The following CACNA1C variants were observed in gnomAD, a reference collection of about 807,000 sequenced individuals.
The protein encoded by CACNA1C is calcium voltage-gated channel subunit alpha1 C.
Under a neutral mutation model 229.0 loss-of-function variants are expected in CACNA1C, and 30 were observed. The observed-to-expected ratio is 0.13, with a 90% CI of 0.10 to 0.18. The LOEUF (loss-of-function observed/expected upper bound fraction) is 0.18, where lower values mean the gene tolerates loss of function less well. Among genes scored for constraint, CACNA1C ranks in the 10% least tolerant of loss-of-function variants. The pLI, the probability that CACNA1C is intolerant of heterozygous loss-of-function variation, is 1.00. For synonymous variants in CACNA1C, 1,114 were observed against 1,132.5 expected (o/e 0.98, Z 0.33); for missense variants, 1,658 against 2,845.0 (o/e 0.58, Z 9.49).
intron 3 of CACNA1C, among the ~76,000 whole-genome samples, chr12:2,239,782 C>T (rs774429092): frequency 5.3e-5 from 8 of 152,286 alleles, no homozygotes; most frequent in African/African-American, 7.2e-5. Context: ...TCAGCCATTG[C>T]GCCCATCTGT....
At chr12:2,580,505 G>T (rs2060115139) in intron 13 of CACNA1C, among the ~76,000 whole-genome samples, 1 of 152,212 alleles carries the variant, frequency 6.6e-6, no homozygotes, top group African/African-American at 2.4e-5. Flanking sequence ...GCCAGAGGGG[G>T]CCAGAGGGAA....
At chr12:2,109,870 G>A (rs1448559927) in intron 1 of CACNA1C, among the ~76,000 whole-genome samples, 1 of 152,170 alleles carries the variant, frequency 6.6e-6, no homozygotes, top group African/African-American at 2.4e-5. Flanking sequence ...CATATGGCTT[G>A]AGAATAAGCC....
At chr12:2,073,379 T>C (rs541536433) in intron 1 of CACNA1C, among the ~76,000 whole-genome samples, 1 of 152,360 alleles carries the variant, frequency 6.6e-6, no homozygotes, top group Admixed American at 6.5e-5. Flanking sequence ...CTCAGGGATC[T>C]AGGGCTTCTC....
chr12:2,077,912 A>G (rs1011564802), intron 1 of CACNA1C, among the ~76,000 whole-genome samples: 1 of 152,226 alleles, frequency 6.6e-6, no homozygotes, highest in African/African-American at 2.4e-5. Flanking sequence ...CTTGCATACT[A>G]TAGGAAATTT....
Position 2,157,877 on chromosome 12 carries a change from T to C in CACNA1C, c.477+37447T>C, listed in dbSNP as rs189431175. On this transcript the variant is annotated intron_variant, in intron 3 of 46. Coordinates refer to ENST00000399655, the MANE Select transcript of CACNA1C (RefSeq NM_000719.7). ...TTTCTGTCTTTAGAGGGATAAGATA[T>C]TATATCCTTGATACAGAAGCTGATT... is the stretch of plus-strand genomic sequence containing the variant. Among the ~76,000 whole-genome samples the C allele has an allele frequency of 5.9e-5, 9 of 152,332 alleles. No individual in the cohort carries two copies. The East Asian group carries it at 1.7e-3, about 29-fold the overall frequency.
chr12:2,050,972 T>A, upstream of CACNA1C, among the ~76,000 whole-genome samples: 1 of 152,092 alleles, frequency 6.6e-6, no homozygotes, highest in East Asian at 1.9e-4. Flanking sequence ...GTGAACAAAA[T>A]AGATGAGACA....
intron 3 of CACNA1C, among the ~76,000 whole-genome samples, chr12:2,150,993 G>T (rs2095203519): frequency 6.6e-6 from 1 of 152,160 alleles, no homozygotes; most frequent in Admixed American, 6.5e-5. Flanking sequence ...CTTTGTGTTG[G>T]CTGGTTCCTC....
chr12:2,535,354 A>C (rs2099850791), intron 9 of CACNA1C, among the ~76,000 whole-genome samples: 1 of 150,952 alleles, frequency 6.6e-6, no homozygotes, highest in Non-Finnish European at 1.5e-5. Flanking sequence ...GCACCACTGC[A>C]CTCCAGCCTG....
rs901978839 is a variant in CACNA1C at position 2,486,634 on chromosome 12, G to T, written c.916+372G>T. Among the ~76,000 whole-genome samples the T allele has an allele frequency of 2.6e-4, 40 of 152,206 alleles. No individual in the cohort carries two copies. Among genetic ancestry groups the T allele is most frequent in the Non-Finnish European group, 2.9e-5 (2 of 68,030 alleles). Reference sequence around the variant, plus strand: ...GGTCGTCAGTCTCTGCTCCTTCCATGCTTCAGTGTGGTTGGCCATTGGGAG... The same window carrying T: ...GGTCGTCAGTCTCTGCTCCTTCCATTCTTCAGTGTGGTTGGCCATTGGGAG... On this transcript the variant is annotated intron_variant, in intron 6 of 46. Coordinates refer to ENST00000399655, the MANE Select transcript of CACNA1C (RefSeq NM_000719.7). This position sits in a 1 kb window ranked among gnomAD's most constrained non-coding sequence, Gnocchi z 4.9.
At chr12:2,075,027 C>T (rs1250045072) in intron 1 of CACNA1C, among the ~76,000 whole-genome samples, 2 of 152,194 alleles carry the variant, frequency 1.3e-5, no homozygotes, top group African/African-American at 4.8e-5. Flanking sequence ...GGATGTAGGG[C>T]CATTTACTTA....
At position 2,034,965 on chromosome 12, in the gene CACNA1C, GAGA is replaced by G. The variant is rs140215124; in HGVS notation, c.139+63767_139+63769del. Among the ~76,000 whole-genome samples, 2,943 of 152,372 alleles carry G rather than the reference GAGA, an allele frequency of 0.019. 47 individuals are homozygous for G. Among genetic ancestry groups the G allele is most frequent in the Middle Eastern group, 0.034 (10 of 294 alleles). ...GCTGGCGAGGCGAGGGGGTGAAGAG[GAGA>G]AGGAGGTCTGGGCACTGGAAGCGGC... On this transcript the variant is annotated intron_variant, in intron 1 of 46. Transcript: ENST00000682462. The surrounding 1 kb of genome is among the most constrained non-coding windows in gnomAD (Gnocchi z 4.1).
chr12:2,478,403 A>C (rs2099642276), intron 5 of CACNA1C, among the ~76,000 whole-genome samples: 3 of 152,210 alleles, frequency 2.0e-5, no homozygotes, highest in African/African-American at 4.8e-5. Context: ...CAGCAGCTGC[A>C]GTGTCACTTG....
chr12:2,123,942 A>G (rs1180008269), intron 3 of CACNA1C, among the ~76,000 whole-genome samples: 2 of 152,204 alleles, frequency 1.3e-5, no homozygotes, highest in African/African-American at 4.8e-5. Context: ...CACCTTAGTA[A>G]GGGCGAAGTG....
chr12:2,324,588 G>A (rs905553701), intron 3 of CACNA1C, among the ~76,000 whole-genome samples: 2 of 152,256 alleles, frequency 1.3e-5, no homozygotes, highest in African/African-American at 2.4e-5. Flanking sequence ...ACCTGCTGGA[G>A]CAGGCATGCT....
At position 2,504,106 on chromosome 12, in the gene CACNA1C, TC is replaced by T. The variant is rs373019606; in HGVS notation, c.1114-733del. 1.0e-3 allele frequency among the ~76,000 whole-genome samples: 155 copies of T among 152,308 alleles called. No homozygotes were observed. Among genetic ancestry groups the T allele is most frequent in the African/African-American group, 3.6e-3 (149 of 41,564 alleles). ...AGGCAAACCCAAGTGAGTTAAACCA[TC>T]CCATGCTGAAGAAATTATTTTTTGA... is the stretch of plus-strand genomic sequence containing the variant. On this transcript the variant is annotated intron_variant, in intron 7 of 46. Coordinates refer to ENST00000399655, the MANE Select transcript of CACNA1C (RefSeq NM_000719.7). This position sits in a 1 kb window ranked among gnomAD's most constrained non-coding sequence, Gnocchi z 6.8.
intron 38 of CACNA1C, among the ~76,000 whole-genome samples, chr12:2,670,410 G>A (rs2096496077): frequency 6.6e-6 from 1 of 152,138 alleles, no homozygotes; most frequent in Admixed American, 6.5e-5. Flanking sequence ...ACTAGAGAAA[G>A]GTGATGACAT....
At chr12:2,505,953 A>G (rs993049544) in intron 8 of CACNA1C, among the ~76,000 whole-genome samples, 1 of 152,116 alleles carries the variant, frequency 6.6e-6, no homozygotes, top group African/African-American at 2.4e-5. Context: ...AAATTTAAGC[A>G]TAAAGACAAA....
rs979154703 is a variant in CACNA1C, at chr12:2,527,345, A to G, written c.1390+14361A>G. Among the ~76,000 whole-genome samples the G allele has an allele frequency of 3.9e-5, 6 of 152,214 alleles. 1 individual carries two copies. Among genetic ancestry groups the G allele is most frequent in the Admixed American group, 3.9e-4 (6 of 15,286 alleles). ...TTGTTTGTGTCTTTTGCTTGAAGTA[A>G]TAGACTAGATCTACTCTCAACAACT... On this transcript the variant is annotated intron_variant, in intron 9 of 46. Transcript: ENST00000399655.
chr12:2,567,525 C>T (rs1460807486), intron 12 of CACNA1C, 44 bp from the exon 13 acceptor site: 5 of 1,270,116 alleles, frequency 3.9e-6, no homozygotes, highest in Non-Finnish European at 5.6e-6. Flanking sequence ...CTCTCTGCCT[C>T]CTCTGGCCCT....
Sources: gnomAD v4.1 joint callset for allele counts (sites outside exome capture counted in the v4.1 genomes callset) on GRCh38, gnomAD v4.1.1 for gene constraint, Gnocchi (gnomAD v3.1) non-coding constraint, MANE v1.5 for transcripts, NCBI Gene and HGNC (gene_info 2026-07-23, HGNC 2026-07-21) for gene names.